The following TMCC2 variants were observed in gnomAD, a reference collection of about 807,000 sequenced individuals.
The protein encoded by TMCC2 is transmembrane and coiled-coil domain family 2, also known as transmembrane and coiled-coil domains protein 2.
In TMCC2, 16 loss-of-function variants were observed where a neutral mutation model predicts 49.4. The ratio of observed to expected loss-of-function variants is 0.32; its 90% confidence interval spans 0.22 to 0.49. The LOEUF (loss-of-function observed/expected upper bound fraction) is 0.49. TMCC2 is among the 20% of genes least tolerant of loss of function. The pLI, the probability that TMCC2 is intolerant of heterozygous loss-of-function variation, is 0.99. For missense variants in TMCC2, 762 were observed against 989.8 expected, an observed-to-expected ratio of 0.77 and a Z score of 3.09; for synonymous variants, 397 against 434.1, an observed-to-expected ratio of 0.91 and a Z score of 1.06.
intron 2 of TMCC2, among the ~76,000 whole-genome samples, chr1:205,265,585 G>A (rs1198861135): frequency 6.8e-6 from 1 of 148,010 alleles, no homozygotes; most frequent in Non-Finnish European, 1.5e-5. Flanking sequence ...TTTTTGAGAC[G>A]GAGTCTCGCT....
intron 1 of TMCC2, chr1:205,229,540 A>C: frequency 3.8e-6 from 2 of 525,880 alleles, no homozygotes; most frequent in Non-Finnish European, 4.1e-6. Context: ...CGATCTGTGA[A>C]GGGGCGGGGG....
chr1:205,268,917 A>G, intron 2 of TMCC2, 33 bp from the exon 3 acceptor site: 1 of 1,602,636 alleles, frequency 6.2e-7, no homozygotes, highest in South Asian at 1.1e-5. Flanking sequence ...CCCAGGGTTT[A>G]CCCATGCTTC....
At chr1:205,253,974 C>T (rs1035501622) in intron 2 of TMCC2, among the ~76,000 whole-genome samples, 2 of 152,310 alleles carry the variant, frequency 1.3e-5, no homozygotes, top group African/African-American at 2.4e-5. Flanking sequence ...AAGTGAGACT[C>T]AGCTGCACAG....
In TMCC2 at chr1:205,228,164, G is replaced by T. The variant is rs1415128562; in HGVS notation, c.-401G>T. ...GGCCGGCTGCCCCGCGCCCCGCCTC[G>T]CCCCGCAGCCCGGCCGGCCGGGAGG... On this transcript the variant is annotated 5_prime_UTR_variant, in exon 1 of 5. Transcript: ENST00000358024. 6.6e-6 allele frequency: 1 copy of T among 151,406 alleles called. No homozygotes were observed. Among genetic ancestry groups the T allele is most frequent in the Non-Finnish European group, 1.5e-5 (1 of 68,064 alleles). The allele number at this position is 151,406 out of a possible 1,614,324, so 9.4% of individuals were successfully genotyped here. A position where few individuals can be genotyped will look rare whatever the true frequency, so the allele number is the denominator to read the frequency against.
chr1:205,228,921 G>C, intron 1 of TMCC2, 150 bp downstream of exon 1: 2 of 1,430,838 alleles, frequency 1.4e-6, no homozygotes, highest in East Asian at 2.5e-5. Flanking sequence ...CCCCAGGGGG[G>C]ACGTCAGGTA....
At position 205,264,073 on chromosome 1, in the gene TMCC2, T is replaced by C. The variant is rs1157179760; in HGVS notation, c.748-4877T>C. On this transcript the variant is annotated intron_variant, in intron 2 of 4. Coordinates refer to ENST00000358024, the MANE Select transcript of TMCC2 (RefSeq NM_014858.4). This position sits in a 1 kb window ranked among gnomAD's most constrained non-coding sequence, Gnocchi z 4.2. ...TACTGGGATTAAATGAATTAATAGG[T>C]GTAAACACTGAGAGACAAGTCTGAC... Among the ~76,000 whole-genome samples, 6 of 152,356 alleles carry C rather than the reference T, an allele frequency of 3.9e-5. No homozygotes were observed. Among genetic ancestry groups the C allele is most frequent in the Non-Finnish European group, 8.8e-5 (6 of 68,036 alleles).
intron 2 of TMCC2, among the ~76,000 whole-genome samples, chr1:205,243,964 C>T (rs1660365476): frequency 6.6e-6 from 1 of 152,204 alleles, no homozygotes; most frequent in African/African-American, 2.4e-5. Flanking sequence ...TAGAAGTAAA[C>T]TTGCAGCAAA....
chr1:205,230,184 T>C, intron 1 of TMCC2: 8 of 985,148 alleles, frequency 8.1e-6, no homozygotes, highest in Non-Finnish European at 8.4e-6. Context: ...GTGTGTGTGC[T>C]CTTACCTGTG....
rs549182687 is a variant in TMCC2 at position 205,270,110 on chromosome 1, G to C, written c.1682+226G>C. ...CGCCCAGGCTGGAGTGCAGTGGCAC[G>C]ATCTCAGCTCACTGTAACCTCTGCC... On this transcript the variant is annotated intron_variant, in intron 3 of 4. Coordinates refer to ENST00000358024, the MANE Select transcript of TMCC2 (RefSeq NM_014858.4). Among the ~76,000 whole-genome samples, 132 of 152,210 alleles carry C rather than the reference G, an allele frequency of 8.7e-4. 1 individual carries two copies. The South Asian group carries it at 0.024, about 28-fold the overall frequency.
intron 2 of TMCC2, chr1:205,256,308 G>C: frequency 6.5e-7 from 1 of 1,549,426 alleles, no homozygotes. Context: ...CGGTGACACT[G>C]CTCACTGCTC....
In TMCC2 at chr1:205,228,525, C is replaced by A. The variant is rs1342359450; in HGVS notation, c.-40C>A. 4.5e-6 allele frequency: 7 copies of A among 1,556,960 alleles called. No homozygotes were observed. Among genetic ancestry groups the A allele is most frequent in the Non-Finnish European group, 6.1e-6 (7 of 1,144,056 alleles). ...GGGTGCGGTCTTCCCCAAGACGGCGCGCTGGAAGGACAGATTCCCCTTGCC... is the reference window on the plus strand; with the variant it reads ...GGGTGCGGTCTTCCCCAAGACGGCGAGCTGGAAGGACAGATTCCCCTTGCC... On this transcript the variant is annotated 5_prime_UTR_variant, in exon 1 of 5. Coordinates refer to ENST00000358024, the MANE Select transcript of TMCC2 (RefSeq NM_014858.4).
At chr1:205,234,638 T>C (rs1230895023) in intron 1 of TMCC2, among the ~76,000 whole-genome samples, 1 of 151,972 alleles carries the variant, frequency 6.6e-6, no homozygotes, top group East Asian at 1.9e-4. Context: ...ATCAGGAAAG[T>C]TGTTCTGCAA....
intron 1 of TMCC2, among the ~76,000 whole-genome samples, chr1:205,233,020 G>A (rs1281769471): frequency 6.9e-6 from 1 of 145,776 alleles, no homozygotes; most frequent in Non-Finnish European, 1.5e-5. Flanking sequence ...ACCACAACGT[G>A]TGGTAGATAC....
chr1:205,235,754 A>G (rs1293027330), intron 1 of TMCC2, among the ~76,000 whole-genome samples: 1 of 152,184 alleles, frequency 6.6e-6, no homozygotes, highest in Admixed American at 6.5e-5. Flanking sequence ...GATAACAGGT[A>G]TGTTTTGTGA....
At chr1:205,231,948 A>T (rs1176513214) in intron 1 of TMCC2, among the ~76,000 whole-genome samples, 1 of 152,202 alleles carries the variant, frequency 6.6e-6, no homozygotes, top group Admixed American at 6.5e-5. Context: ...AAAAATAATA[A>T]TAATAATAAT....
chr1:205,267,814 G>A (rs1162666203), intron 2 of TMCC2: 1 of 937,436 alleles, frequency 1.1e-6, no homozygotes, highest in Non-Finnish European at 1.3e-6. Flanking sequence ...GAGTGAAGGG[G>A]GCTGTCATTT....
intron 1 of TMCC2, among the ~76,000 whole-genome samples, chr1:205,233,539 T>G (rs1375605781): frequency 6.6e-6 from 1 of 152,160 alleles, no homozygotes; most frequent in Non-Finnish European, 1.5e-5. Flanking sequence ...GGCAGCTTCC[T>G]CCCACTGTGA....
rs188354342 is a variant in TMCC2, at chr1:205,230,032, T to G, written c.207+1261T>G. ...TCCAGAGAAGGTGCAGGGTCTGGGC[T>G]AGGGAAACGGAAAGGACTCTGTTGC... On this transcript the variant is annotated intron_variant, in intron 1 of 4. Transcript: ENST00000358024. 2.6e-4 allele frequency: 257 copies of G among 985,426 alleles called. No individual in the cohort carries two copies. The African/African-American group carries it at 4.2e-3, about 16-fold the overall frequency. 61.0% of individuals were successfully genotyped at this position (985,426 alleles called of 1,614,324 possible).
In TMCC2 at chr1:205,269,356, A is replaced by G; in HGVS notation, c.1154A>G (p.Lys385Arg). The G allele has an allele frequency of 6.2e-7, 1 of 1,612,406 alleles. No individual in the cohort carries two copies. The highest frequency in any genetic ancestry group is 1.1e-5 in the South Asian group (1 of 91,054). Reference sequence around the variant, plus strand: ...CTGCGGGACATGCAGCAGGGGCTGAAGGACGTGGGCGCCAACGTGCGCGCA... The same window carrying G: ...CTGCGGGACATGCAGCAGGGGCTGAGGGACGTGGGCGCCAACGTGCGCGCA... The part of the protein sequence containing the change: ...DVLRDMQQGL[K>R]DVGANVRAGI... The change falls in exon 3 of 5, where the codon AAG (lysine) becomes AGG (arginine). Residue 385 changes from lysine (K) to arginine (R), a missense_variant. By Grantham distance (26) the Lys-to-Arg change is conservative. This residue lies in a region of TMCC2 where 440 missense variants were observed against 636.7 expected (regional missense o/e 0.69). Coordinates refer to ENST00000358024, the MANE Select transcript of TMCC2 (RefSeq NM_014858.4).
Sources: gnomAD v4.1 joint callset for allele counts (sites outside exome capture counted in the v4.1 genomes callset) on GRCh38, gnomAD v4.1.1 for gene constraint, gnomAD v4.1.1 regional missense constraint, Gnocchi (gnomAD v3.1) non-coding constraint, MANE v1.5 for transcripts, NCBI Gene and HGNC (gene_info 2026-07-23, HGNC 2026-07-21) for gene names.